FREM2: variants seen among roughly 807,000 people sequenced by gnomAD.
FREM2 encodes FRAS1 related extracellular matrix 2, also known as FRAS1-related extracellular matrix protein 2.
FREM2 carries 119 observed loss-of-function variants against 219.9 expected under a neutral mutation model. That is an observed-to-expected ratio of 0.54 (90% CI 0.47 to 0.63). FREM2 has a LOEUF of 0.63. Among genes scored for constraint, FREM2 ranks in the 30% least tolerant of loss-of-function variants. FREM2 has a pLI of 0.00. For synonymous variants in FREM2, 1,562 were observed against 1,522.8 expected, an observed-to-expected ratio of 1.03 and a Z score of -0.60; for missense variants, 4,030 against 3,993.6, an observed-to-expected ratio of 1.01 and a Z score of -0.25.
At chr13:38,720,514 G>A (rs934528034) in intron 2 of FREM2, among the ~76,000 whole-genome samples, 2 of 152,148 alleles carry the variant, frequency 1.3e-5, no homozygotes, top group African/African-American at 4.8e-5. Flanking sequence ...TCAGACCAGG[G>A]TGATCTTAAT....
intron 3 of FREM2, among the ~76,000 whole-genome samples, chr13:38,765,601 C>T (rs1297586576): frequency 6.6e-6 from 1 of 152,104 alleles, no homozygotes; most frequent in African/African-American, 2.4e-5. Context: ...CCCTCCCTGA[C>T]ACCCCCACAC....
At chr13:38,803,952 G>A (rs1411568826) in intron 6 of FREM2, among the ~76,000 whole-genome samples, 3 of 151,902 alleles carry the variant, frequency 2.0e-5, no homozygotes, top group African/African-American at 7.2e-5. Context: ...ATTCATTTGT[G>A]CCTAGCTGAA....
chr13:38,878,406 A>C, intron 22 of FREM2, 85 bp downstream of exon 22: 2 of 724,688 alleles, frequency 2.8e-6, no homozygotes, highest in Non-Finnish European at 4.4e-6. Context: ...AAGGCTGGGC[A>C]CAGTGGCCAC....
chr13:38,699,860 T>C (rs1870272452), intron 2 of FREM2, among the ~76,000 whole-genome samples: 1 of 152,114 alleles, frequency 6.6e-6, no homozygotes, highest in African/African-American at 2.4e-5. Context: ...AGAAGTGCAA[T>C]ACTGTTTAAA....
In FREM2 at chr13:38,886,194, A is replaced by T. The variant is rs545783327; in HGVS notation, c.*5407A>T. 6.6e-6 allele frequency: 1 copy of T among 152,318 alleles called. No individual in the cohort carries two copies. Among genetic ancestry groups the T allele is most frequent in the African/African-American group, 2.4e-5 (1 of 41,580 alleles). 9.4% of individuals were successfully genotyped at this position (152,318 alleles called of 1,614,324 possible). A position where few individuals can be genotyped will look rare whatever the true frequency, so the allele number is the denominator to read the frequency against. On this transcript the variant is annotated 3_prime_UTR_variant, in exon 24 of 24. Coordinates refer to ENST00000280481, the MANE Select transcript of FREM2 (RefSeq NM_207361.6). ...AGAGCAGTACAATAAAAATCACTTA[A>T]AATAGAGAAAGGCAACTACTGAGTA...
chr13:38,688,813 G>C lies in FREM2; in HGVS notation c.1469G>C (p.Gly490Ala), dbSNP rs776243195. 6 of 1,613,902 alleles carry C rather than the reference G, an allele frequency of 3.7e-6. No homozygotes were observed. Among genetic ancestry groups the C allele is most frequent in the Non-Finnish European group, 5.1e-6 (6 of 1,180,048 alleles). Reference sequence around the variant, plus strand: ...GAGGTGGTGGCTGGGCTCCGGCATGGTCACCTTGTCATTCTGGGTGCTTCC... The same window carrying C: ...GAGGTGGTGGCTGGGCTCCGGCATGCTCACCTTGTCATTCTGGGTGCTTCC... ...RLEVVAGLRH[G>A]HLVILGASSG... The change falls in exon 1 of 24, where the codon GGT becomes GCT. Residue 490 changes from glycine (G) to alanine (A), a missense_variant. Physicochemically the swap from Gly to Ala is moderately conservative, Grantham distance 60 (BLOSUM62 0). Transcript: ENST00000280481.
In FREM2 at chr13:38,687,215, C is replaced by G; in HGVS notation, c.-130C>G. ...CTTTGCCATCCTTCTGGCCCAGCCC[C>G]GGCTACAGGAGGACCCCGCGGGCAA... On this transcript the variant is annotated 5_prime_UTR_variant, in exon 1 of 24. Transcript: ENST00000280481. 6 of 1,325,664 alleles carry G rather than the reference C, an allele frequency of 4.5e-6. No homozygotes were observed. Among genetic ancestry groups the G allele is most frequent in the Non-Finnish European group, 4.2e-6 (4 of 951,886 alleles). The allele number at this position is 1,325,664 out of a possible 1,614,324, so 82.1% of individuals were successfully genotyped here.
chr13:38,849,390 C>T (rs1369755148), intron 8 of FREM2, among the ~76,000 whole-genome samples: 1 of 152,182 alleles, frequency 6.6e-6, no homozygotes, highest in Non-Finnish European at 1.5e-5. Context: ...CTCCACTTCA[C>T]AGCACAAGAC....
At position 38,885,270 on chromosome 13, in the gene FREM2, T is replaced by C. The variant is rs1878689054; in HGVS notation, c.*4483T>C. ...GTGTTGACAAAATACACTAATGTCTTTCTTAATTTTATTTTATTAGGAGAA... is the reference window on the plus strand; with the variant it reads ...GTGTTGACAAAATACACTAATGTCTCTCTTAATTTTATTTTATTAGGAGAA... On this transcript the variant is annotated 3_prime_UTR_variant, in exon 24 of 24. Coordinates refer to ENST00000280481, the MANE Select transcript of FREM2 (RefSeq NM_207361.6). The C allele has an allele frequency of 6.6e-6, 1 of 152,188 alleles. No individual in the cohort carries two copies. Among genetic ancestry groups the C allele is most frequent in the Non-Finnish European group, 1.5e-5 (1 of 68,006 alleles). The allele number at this position is 152,188 out of a possible 1,614,324, so 9.4% of individuals were successfully genotyped here.
In FREM2 at chr13:38,791,356, A is replaced by T. The variant is rs1874553693; in HGVS notation, c.6019+6548A>T. On this transcript the variant is annotated intron_variant, in intron 6 of 23. Coordinates refer to ENST00000280481, the MANE Select transcript of FREM2 (RefSeq NM_207361.6). Reference sequence around the variant, plus strand: ...TAAAAGTCTCTCATGTATCTTGATTATTCACCCCTTTCTTACCTTGGCCAC... The same window carrying T: ...TAAAAGTCTCTCATGTATCTTGATTTTTCACCCCTTTCTTACCTTGGCCAC... 3.9e-5 allele frequency among the ~76,000 whole-genome samples: 6 copies of T among 152,248 alleles called. No homozygotes were observed. The South Asian group carries it at 1.2e-3, about 32-fold the overall frequency.
intron 14 of FREM2, among the ~76,000 whole-genome samples, chr13:38,860,096 G>T (rs574383358): frequency 6.6e-6 from 1 of 152,102 alleles, no homozygotes; most frequent in Non-Finnish European, 1.5e-5. Context: ...CTGAGAGGGA[G>T]AGGAGGAAAA....
chr13:38,769,555 AATG>A lies in FREM2; in HGVS notation c.5411-20_5411-18del, dbSNP rs751990950. 3.0e-5 allele frequency: 47 copies of A among 1,576,392 alleles called. No individual in the cohort carries two copies. The East Asian group carries it at 1.0e-3, about 34-fold the overall frequency. ...ATCCAAGCGAAAATGAAACTAAGAA[AATG>A]ATATTATGTTTTTGTGAAGGTATTG... On this transcript the variant is annotated intron_variant, in intron 3 of 23. Coordinates refer to ENST00000280481, the MANE Select transcript of FREM2 (RefSeq NM_207361.6).
chr13:38,821,080 C>G (rs1258214366), intron 6 of FREM2, among the ~76,000 whole-genome samples: 1 of 152,126 alleles, frequency 6.6e-6, no homozygotes, highest in African/African-American at 2.4e-5. Flanking sequence ...AAGTAGTTGT[C>G]TCATTAGGAG....
chr13:38,714,893 C>T (rs1262671839), intron 2 of FREM2, among the ~76,000 whole-genome samples: 1 of 151,324 alleles, frequency 6.6e-6, no homozygotes, highest in Admixed American at 6.6e-5. Context: ...CGAGACCAGC[C>T]TGGCCAACAT....
At position 38,850,193 on chromosome 13, in the gene FREM2, G is replaced by T. The variant is rs770417123; in HGVS notation, c.6535G>T (p.Glu2179Ter). 6.2e-7 allele frequency: 1 copy of T among 1,613,994 alleles called. No homozygotes were observed. Among genetic ancestry groups the T allele is most frequent in the Non-Finnish European group, 8.5e-7 (1 of 1,179,916 alleles). ...TGCACAGGTGATGATGGACTTTGAA[G>T]AACGCCCAAACACTGATACCTCCAT... ...GSAQVMMDFEERPNTDTSIIT... is the reference protein window; with the variant it reads ...GSAQVMMDFE The change falls in exon 9 of 24, where the codon GAA (glutamate) becomes TAA (stop). Residue 2179 changes from glutamate to a stop codon, truncating the protein, a stop_gained. Transcript: ENST00000280481. LOFTEE classifies it high-confidence loss of function.
chr13:38,785,878 T>G (rs1480905041), intron 6 of FREM2, among the ~76,000 whole-genome samples: 1 of 152,240 alleles, frequency 6.6e-6, no homozygotes, highest in African/African-American at 2.4e-5. Flanking sequence ...TTTTACTGTA[T>G]GTTGTTAAAA....
chr13:38,841,236 C>T (rs1198382967), intron 6 of FREM2, among the ~76,000 whole-genome samples: 8 of 152,122 alleles, frequency 5.3e-5, no homozygotes, highest in African/African-American at 1.2e-4. Flanking sequence ...GTGTTAAAGA[C>T]GCTGAAATGA....
chr13:38,841,398 G>A (rs1333507), intron 6 of FREM2, among the ~76,000 whole-genome samples: 39,727 of 151,960 alleles, frequency 0.26, 6,933 homozygotes, highest in African/African-American at 0.49. Flanking sequence ...TCTAAAAACT[G>A]AAACCTCTTA....
At chr13:38,712,671 CACACAA>C (rs1288158607) in intron 2 of FREM2, among the ~76,000 whole-genome samples, 1 of 150,112 alleles carries the variant, frequency 6.7e-6, no homozygotes, top group South Asian at 2.1e-4. Context: ...CACACACACA[CACACAA>C]ACACACACAC....
Sources: gnomAD v4.1 joint callset for allele counts (sites outside exome capture counted in the v4.1 genomes callset) on GRCh38, gnomAD v4.1.1 for gene constraint, MANE v1.5 for transcripts, NCBI Gene and HGNC (gene_info 2026-07-23, HGNC 2026-07-21) for gene names.